Variants in FILIP1L observed in about 807,000 individuals in gnomAD.
The protein encoded by FILIP1L is filamin A-interacting protein 1-like.
In FILIP1L, 55 loss-of-function variants were observed where a neutral mutation model predicts 96.6. The observed-to-expected ratio is 0.57, with a 90% CI of 0.46 to 0.71. The LOEUF (loss-of-function observed/expected upper bound fraction) is 0.71. FILIP1L is among the 30% of genes least tolerant of loss of function. The pLI is 0.00. For synonymous variants in FILIP1L, 467 were observed against 473.9 expected (o/e 0.99, Z 0.19); for missense variants, 1,304 against 1,321.2 (o/e 0.99, Z 0.20).
Position 100,020,864 on chromosome 3 carries a change from T to C in FILIP1L, c.-10-89834A>G, listed in dbSNP as rs2107227798. Reference sequence around the variant, plus strand: ...CTCACTGCAACCTCTGCCTCCCAGGTTCAAGTGATTCTCCTGCCTTAGTCT... The same window carrying C: ...CTCACTGCAACCTCTGCCTCCCAGGCTCAAGTGATTCTCCTGCCTTAGTCT... On this transcript the variant is annotated intron_variant, in intron 1 of 5. Coordinates refer to ENST00000477258, the MANE Select transcript of FILIP1L (RefSeq NM_001387850.1). 4.1e-5 allele frequency among the ~76,000 whole-genome samples: 6 copies of C among 145,700 alleles called. 1 individual carries two copies. In the South Asian group the frequency reaches 1.3e-3, roughly 32 times the overall value.
intron 4 of FILIP1L, chr3:99,874,483 T>C (rs908895893): frequency 2.0e-5 from 3 of 152,224 alleles, no homozygotes; most frequent in Admixed American, 6.5e-5. Flanking sequence ...TATGGTGGGC[T>C]TCCCTAGGTT....
intron 4 of FILIP1L, among the ~76,000 whole-genome samples, chr3:99,883,298 C>T (rs1705789114): frequency 6.6e-6 from 1 of 152,184 alleles, no homozygotes; most frequent in Admixed American, 6.5e-5. Context: ...TTCATCTTTC[C>T]ATGACACCAT....
chr3:99,903,545 C>T (rs568537009), intron 4 of FILIP1L, among the ~76,000 whole-genome samples: 11 of 152,136 alleles, frequency 7.2e-5, no homozygotes, highest in African/African-American at 1.9e-4. Flanking sequence ...CCACCGCGCC[C>T]GGCCATGTAT....
At chr3:99,923,692 C>A (rs564610077) in intron 4 of FILIP1L, among the ~76,000 whole-genome samples, 1 of 152,298 alleles carries the variant, frequency 6.6e-6, no homozygotes, top group East Asian at 1.9e-4. Flanking sequence ...CTCCATGTTC[C>A]CTTAATCGTT....
chr3:100,109,083 C>A (rs1466841900), intron 1 of FILIP1L, among the ~76,000 whole-genome samples: 1 of 122,596 alleles, frequency 8.2e-6, no homozygotes, highest in Non-Finnish European at 1.8e-5. Flanking sequence ...TTTTAACTGT[C>A]TCTTAAAAAA....
intron 1 of FILIP1L, among the ~76,000 whole-genome samples, chr3:99,981,704 A>G (rs76841586): frequency 0.012 from 1,840 of 152,342 alleles, 23 homozygotes; most frequent in African/African-American, 0.027. Context: ...GGTTGGAATT[A>G]GTGTTTAAAC....
intron 1 of FILIP1L, among the ~76,000 whole-genome samples, chr3:100,069,290 G>A (rs1340662005): frequency 6.6e-6 from 1 of 151,826 alleles, no homozygotes; most frequent in East Asian, 1.9e-4. Context: ...TCTTCATCCT[G>A]TTGTAGGCAT....
chr3:99,858,492 G>T (rs1944084136), intron 4 of FILIP1L, among the ~76,000 whole-genome samples: 1 of 151,998 alleles, frequency 6.6e-6, no homozygotes. Flanking sequence ...AAAATCATTT[G>T]TTAAAAATAA....
chr3:100,106,455 A>C (rs1348042601), intron 1 of FILIP1L, among the ~76,000 whole-genome samples: 2 of 152,106 alleles, frequency 1.3e-5, no homozygotes, highest in Non-Finnish European at 2.9e-5. Flanking sequence ...CTCCAGCAGA[A>C]ATGAGGGTAA....
chr3:100,060,017 T>C (rs1286567742), intron 1 of FILIP1L, among the ~76,000 whole-genome samples: 1 of 149,652 alleles, frequency 6.7e-6, no homozygotes, highest in East Asian at 2.0e-4. Flanking sequence ...GCACAGGCAG[T>C]TTTCCTGCTG....
chr3:99,858,126 GTATC>G (rs1944062678), intron 4 of FILIP1L, among the ~76,000 whole-genome samples: 1 of 152,136 alleles, frequency 6.6e-6, no homozygotes, highest in African/African-American at 2.4e-5. Flanking sequence ...TGTATGGGCT[GTATC>G]TATCTCTTTA....
intron 1 of FILIP1L, among the ~76,000 whole-genome samples, chr3:99,980,031 G>A (rs183195693): frequency 5.1e-4 from 77 of 151,990 alleles, no homozygotes; most frequent in African/African-American, 1.5e-3. Context: ...GCACTGGGGG[G>A]AAAGAATTCT....
At position 100,066,890 on chromosome 3, in the gene FILIP1L, C is replaced by A. The variant is rs1207476944; in HGVS notation, c.-11+47163G>T. 2.0e-5 allele frequency among the ~76,000 whole-genome samples: 3 copies of A among 152,100 alleles called. No homozygotes were observed. The East Asian group carries it at 5.8e-4, about 29-fold the overall frequency. ...TCACAGTTTAAAGATTTTTACTTGA[C>A]CATACCATATTTATAGCCAGTCATT... On this transcript the variant is annotated intron_variant, in intron 1 of 5. Transcript: ENST00000477258.
At chr3:99,950,612 C>T (rs866135354) in intron 1 of FILIP1L, among the ~76,000 whole-genome samples, 10 of 152,292 alleles carry the variant, frequency 6.6e-5, no homozygotes, top group African/African-American at 1.9e-4. Context: ...CAGGAAGTGG[C>T]CCATGGCTGT....
intron 1 of FILIP1L, among the ~76,000 whole-genome samples, chr3:99,943,892 C>T (rs1170281785): frequency 6.6e-6 from 1 of 152,176 alleles, no homozygotes; most frequent in African/African-American, 2.4e-5. Flanking sequence ...GGTCAAACTA[C>T]TTCATTTCTT....
chr3:99,971,441 A>G (rs1708819440), intron 1 of FILIP1L, among the ~76,000 whole-genome samples: 2 of 152,176 alleles, frequency 1.3e-5, no homozygotes, highest in South Asian at 4.1e-4. Context: ...TCTTTTCTAC[A>G]TGTTGAATAT....
chr3:99,922,663 T>C (rs1172752576), intron 4 of FILIP1L, among the ~76,000 whole-genome samples: 1 of 152,216 alleles, frequency 6.6e-6, no homozygotes, highest in East Asian at 1.9e-4. Context: ...ACTTTCCATC[T>C]TTTCAGTATC....
intron 4 of FILIP1L, among the ~76,000 whole-genome samples, chr3:99,893,755 G>A (rs1026298673): frequency 6.6e-6 from 1 of 152,154 alleles, no homozygotes; most frequent in Non-Finnish European, 1.5e-5. Flanking sequence ...AGCAGAAATA[G>A]TTTCATGCTG....
chr3:100,042,792 G>A (rs964924526), intron 1 of FILIP1L, among the ~76,000 whole-genome samples: 5 of 152,152 alleles, frequency 3.3e-5, no homozygotes, highest in Non-Finnish European at 7.3e-5. Context: ...AGAAATACAC[G>A]TTTTAAAGTT....
Sources: gnomAD v4.1 joint callset for allele counts (sites outside exome capture counted in the v4.1 genomes callset) on GRCh38, gnomAD v4.1.1 for gene constraint, MANE v1.5 for transcripts, NCBI Gene and HGNC (gene_info 2026-07-23, HGNC 2026-07-21) for gene names.